CCSER1: variants seen among roughly 807,000 people sequenced by gnomAD.
CCSER1 encodes the protein serine-rich coiled-coil domain-containing protein 1.
CCSER1 carries 41 observed loss-of-function variants against 82.0 expected under a neutral mutation model. That is an observed-to-expected ratio of 0.50 (90% CI 0.39 to 0.65). The LOEUF (loss-of-function observed/expected upper bound fraction) is 0.65, where lower values mean the gene tolerates loss of function less well. Ranked by LOEUF, CCSER1 falls within the 30% of genes least tolerant of loss-of-function variation. The probability of loss-of-function intolerance (pLI) is 0.00; values close to 1 mark genes in which losing one functional copy is unlikely to be tolerated. For missense variants in CCSER1, 1,119 were observed against 1,064.2 expected (o/e 1.05, Z -0.72); for synonymous variants, 414 against 383.9 (o/e 1.08, Z -0.92).
At chr4:91,183,447 AT>A (rs1734235481) in intron 10 of CCSER1, among the ~76,000 whole-genome samples, 1 of 152,166 alleles carries the variant, frequency 6.6e-6, no homozygotes, top group Non-Finnish European at 1.5e-5. Flanking sequence ...CAATTAGTTA[AT>A]TTCAAAAACT....
At chr4:91,072,375 G>A (rs1035586254) in intron 9 of CCSER1, among the ~76,000 whole-genome samples, 5 of 151,914 alleles carry the variant, frequency 3.3e-5, no homozygotes, top group South Asian at 2.1e-4. Context: ...GGAATTCAAC[G>A]TCATTTACTT....
intron 10 of CCSER1, among the ~76,000 whole-genome samples, chr4:91,186,771 G>A (rs554233359): frequency 2.0e-5 from 3 of 152,306 alleles, no homozygotes; most frequent in African/African-American, 4.8e-5. Flanking sequence ...GGAATAGGTT[G>A]GGCTAGTTAA....
intron 5 of CCSER1, among the ~76,000 whole-genome samples, chr4:90,581,831 A>T (rs1328278407): frequency 6.6e-6 from 1 of 152,128 alleles, no homozygotes; most frequent in Non-Finnish European, 1.5e-5. Flanking sequence ...ACAAAAAAAT[A>T]GCTTCATATC....
intron 3 of CCSER1, among the ~76,000 whole-genome samples, chr4:90,355,067 A>C (rs1411591122): frequency 6.6e-6 from 1 of 152,058 alleles, no homozygotes; most frequent in Admixed American, 6.6e-5. Flanking sequence ...CAAATAGTTT[A>C]TTTCCTAAGA....
intron 5 of CCSER1, among the ~76,000 whole-genome samples, chr4:90,581,963 A>G (rs1478552124): frequency 1.3e-5 from 2 of 152,034 alleles, no homozygotes; most frequent in South Asian, 4.1e-4. Flanking sequence ...GATAGATATT[A>G]TCAAAGGAGG....
At chr4:90,921,417 T>C (rs1390631274) in intron 8 of CCSER1, among the ~76,000 whole-genome samples, 1 of 152,042 alleles carries the variant, frequency 6.6e-6, no homozygotes, top group African/African-American at 2.4e-5. Flanking sequence ...TCATTTGTTG[T>C]GATTAATGCC....
intron 1 of CCSER1, among the ~76,000 whole-genome samples, chr4:90,276,302 CCTTCCTTTCTTTCTT>C (rs1727758482): frequency 1.7e-5 from 2 of 115,258 alleles, no homozygotes; most frequent in East Asian, 2.6e-4. Context: ...TTCCTTCCTT[CCTTCCTTTCTTTCTT>C]TTTCTTTCTT....
intron 1 of CCSER1, among the ~76,000 whole-genome samples, chr4:90,158,780 C>G (rs779102570): frequency 4.6e-5 from 7 of 152,168 alleles, no homozygotes; most frequent in Admixed American, 1.3e-4. Context: ...TGCTGTCTGT[C>G]ACCCCTTTCT....
At chr4:91,595,041 C>A (rs1457535834) in intron 10 of CCSER1, among the ~76,000 whole-genome samples, 1 of 151,432 alleles carries the variant, frequency 6.6e-6, no homozygotes, top group East Asian at 1.9e-4. Flanking sequence ...CCAATAATTT[C>A]TCTGCTTAAA....
At chr4:90,782,973 G>A (rs535614039) in intron 7 of CCSER1, among the ~76,000 whole-genome samples, 3 of 152,020 alleles carry the variant, frequency 2.0e-5, no homozygotes, top group African/African-American at 7.3e-5. Context: ...TCGCTCTGCC[G>A]CGCAGGCTGG....
chr4:90,253,438 A>G (rs1222904705), intron 1 of CCSER1, among the ~76,000 whole-genome samples: 1 of 152,168 alleles, frequency 6.6e-6, no homozygotes, highest in Non-Finnish European at 1.5e-5. Context: ...ATTCAACAAC[A>G]TTTTTGAAAG....
chr4:91,323,859 C>T (rs1746366502), intron 10 of CCSER1, among the ~76,000 whole-genome samples: 1 of 152,150 alleles, frequency 6.6e-6, no homozygotes, highest in African/African-American at 2.4e-5. Context: ...ACACTAAAAT[C>T]CTGCATTAGA....
At chr4:91,282,779 C>T (rs1412507327) in intron 10 of CCSER1, among the ~76,000 whole-genome samples, 1 of 152,050 alleles carries the variant, frequency 6.6e-6, no homozygotes, top group Non-Finnish European at 1.5e-5. Context: ...AATTTGGCAA[C>T]AGGGATTATT....
intron 5 of CCSER1, among the ~76,000 whole-genome samples, chr4:90,567,793 G>C (rs1035058989): frequency 6.6e-6 from 1 of 151,836 alleles, no homozygotes; most frequent in South Asian, 2.1e-4. Flanking sequence ...TTTATATAGA[G>C]ACAGAGTTTT....
rs552600237 is a variant in CCSER1 at position 91,114,153 on chromosome 4, A to G, written c.2217+28159A>G. Among the ~76,000 whole-genome samples the G allele has an allele frequency of 7.2e-5, 11 of 152,272 alleles. No homozygotes were observed. The East Asian group carries it at 2.1e-3, about 29-fold the overall frequency. ...AGGCTTGAGCCACCATGCCCAGCCA[A>G]TAGCTACTATTAAGATAGAGTTGTT... On this transcript the variant is annotated intron_variant, in intron 10 of 10. Coordinates refer to ENST00000509176, the MANE Select transcript of CCSER1 (RefSeq NM_001145065.2).
chr4:91,292,147 A>C (rs1743797961), intron 10 of CCSER1, among the ~76,000 whole-genome samples: 1 of 152,038 alleles, frequency 6.6e-6, no homozygotes, highest in South Asian at 2.1e-4. Context: ...AGCATGTGGA[A>C]GGCCTGGCAG....
chr4:90,310,274 C>A (rs921873081), intron 2 of CCSER1, among the ~76,000 whole-genome samples: 1 of 151,932 alleles, frequency 6.6e-6, no homozygotes, highest in African/African-American at 2.4e-5. Context: ...TAGTATATGT[C>A]CATTACTGTA....
At position 90,391,444 on chromosome 4, in the gene CCSER1, GTATATATATATATATA is replaced by G. The variant is rs770320334; in HGVS notation, c.1510-8565_1510-8550del. Among the ~76,000 whole-genome samples the G allele has an allele frequency of 3.2e-3, 120 of 37,486 alleles. 2 individuals carry two copies. The East Asian group carries it at 0.05, about 16-fold the overall frequency. The allele number at this position is 37,486 out of a possible 152,430, so 24.6% of individuals were successfully genotyped here. ...ACCCTATATATATAAATATATGGGG[GTATATATATATATATA>G]TATATATATATATATATATATATAT... On this transcript the variant is annotated intron_variant, in intron 3 of 10. Transcript: ENST00000509176.
At chr4:90,185,480 C>T (rs1211257893) in intron 1 of CCSER1, among the ~76,000 whole-genome samples, 3 of 152,098 alleles carry the variant, frequency 2.0e-5, no homozygotes, top group South Asian at 2.1e-4. Context: ...AATATGGATA[C>T]GTGATGAACA....
Sources: allele counts gnomAD v4.1 joint callset (sites outside exome capture counted in the v4.1 genomes callset), GRCh38; gene constraint gnomAD v4.1.1; transcripts MANE v1.5; gene names NCBI Gene and HGNC (gene_info 2026-07-23, HGNC 2026-07-21).